DLC1: variants seen among roughly 807,000 people sequenced by gnomAD.
DLC1 encodes the protein rho GTPase-activating protein 7.
In DLC1, 54 loss-of-function variants were observed where a neutral mutation model predicts 140.3. The ratio of observed to expected loss-of-function variants is 0.38; its 90% CI spans 0.31 to 0.48. The LOEUF (loss-of-function observed/expected upper bound fraction) is 0.48, where lower values mean the gene tolerates loss of function less well. DLC1 is among the 20% of genes least tolerant of loss of function. DLC1 has a pLI of 0.96. For synonymous variants in DLC1, 986 were observed against 728.1 expected (o/e 1.35, Z -5.70); for missense variants, 2,536 against 1,907.0 (o/e 1.33, Z -6.14).
At chr8:13,446,265 C>T (rs995222068) in intron 2 of DLC1, among the ~76,000 whole-genome samples, 1 of 152,168 alleles carries the variant, frequency 6.6e-6, no homozygotes, top group Non-Finnish European at 1.5e-5. Context: ...GATATAATGT[C>T]TTTTAGCAAA....
intron 7 of DLC1, among the ~76,000 whole-genome samples, chr8:13,106,499 C>T (rs551251000): frequency 2.0e-5 from 3 of 152,172 alleles, no homozygotes; most frequent in Non-Finnish European, 4.4e-5. Context: ...AGGTATGCAC[C>T]ATCATGCCTG....
intron 2 of DLC1, among the ~76,000 whole-genome samples, chr8:13,465,623 T>C (rs1022694108): frequency 6.6e-6 from 1 of 152,204 alleles, no homozygotes; most frequent in Admixed American, 6.5e-5. Flanking sequence ...TTCTCATTAG[T>C]ATTTGAATAC....
intron 5 of DLC1, among the ~76,000 whole-genome samples, chr8:13,255,114 T>C (rs1211990069): frequency 6.6e-6 from 1 of 152,044 alleles, no homozygotes; most frequent in Non-Finnish European, 1.5e-5. Context: ...GTAGCTGGGA[T>C]TACAGGTGCG....
In DLC1 at chr8:13,365,172, T is replaced by A. The variant is rs1156849198; in HGVS notation, c.1314+28381A>T. On this transcript the variant is annotated intron_variant, in intron 4 of 17. Coordinates refer to ENST00000276297, the MANE Select transcript of DLC1 (RefSeq NM_182643.3). Reference sequence around the variant, plus strand: ...ATCCTGTTACTGGACTTTGCACAGGTCGAGAGAATACCCTGTAGGGATTCC... The same window carrying A: ...ATCCTGTTACTGGACTTTGCACAGGACGAGAGAATACCCTGTAGGGATTCC... 8.5e-5 allele frequency among the ~76,000 whole-genome samples: 13 copies of A among 152,298 alleles called. No homozygotes were observed. The East Asian group carries it at 2.5e-3, about 29-fold the overall frequency.
chr8:13,579,870 G>C lies in DLC1; in HGVS notation c.-126+24667C>G, dbSNP rs190565347. 7.2e-4 allele frequency among the ~76,000 whole-genome samples: 110 copies of C among 151,814 alleles called. 1 individual carries two copies. The highest frequency in any genetic ancestry group is 2.4e-3 in the African/African-American group (100 of 41,396). On this transcript the variant is annotated intron_variant, in intron 1 of 1. Coordinates refer to the DLC1 transcript ENST00000631382. Reference sequence around the variant, plus strand: ...CCAGTGTGCCCATATATTACATGTTGTATCAGTGATTTCCTAAGCACTCTC... The same window carrying C: ...CCAGTGTGCCCATATATTACATGTTCTATCAGTGATTTCCTAAGCACTCTC...
intron 2 of DLC1, among the ~76,000 whole-genome samples, chr8:13,498,084 C>A (rs959661887): frequency 4.6e-5 from 7 of 152,080 alleles, no homozygotes; most frequent in Admixed American, 4.6e-4. Context: ...AGGAGAATTG[C>A]AGTTATGGAT....
At chr8:13,408,065 C>T (rs971107361) in intron 2 of DLC1, among the ~76,000 whole-genome samples, 1 of 152,090 alleles carries the variant, frequency 6.6e-6, no homozygotes, top group African/African-American at 2.4e-5. Context: ...TATCCTAAGT[C>T]AGAATTTCTA....
At chr8:13,221,726 G>GTGTATATATATATATATATA (rs952162614) in intron 5 of DLC1, among the ~76,000 whole-genome samples, 1 of 132,448 alleles carries the variant, frequency 7.6e-6, no homozygotes, top group African/African-American at 2.9e-5. Flanking sequence ...GTGTGTGTGT[G>GTGTATATATATATATATATA]TATATATATA....
chr8:13,307,259 T>C (rs1832483116), intron 4 of DLC1, among the ~76,000 whole-genome samples: 1 of 152,126 alleles, frequency 6.6e-6, no homozygotes, highest in South Asian at 2.1e-4. Context: ...ATAGATTAAA[T>C]GGCAGCTTGG....
At chr8:13,413,702 G>A (rs1250956351) in intron 2 of DLC1, among the ~76,000 whole-genome samples, 2 of 152,122 alleles carry the variant, frequency 1.3e-5, no homozygotes, top group East Asian at 1.9e-4. Context: ...GGTTTTAAAC[G>A]TGGTGTTTTC....
chr8:13,426,857 C>A (rs564190597), intron 2 of DLC1, among the ~76,000 whole-genome samples: 26 of 152,126 alleles, frequency 1.7e-4, no homozygotes, highest in Non-Finnish European at 3.7e-4. Context: ...GTTTTTGCTG[C>A]AATCATTAGA....
chr8:13,468,925 ATT>A (rs1800078296), intron 2 of DLC1, among the ~76,000 whole-genome samples: 2 of 141,118 alleles, frequency 1.4e-5, no homozygotes, highest in South Asian at 4.5e-4. Flanking sequence ...GGTTCAAGTG[ATT>A]CTCCTGCCTC....
chr8:13,426,043 G>C (rs1337619734), intron 2 of DLC1, among the ~76,000 whole-genome samples: 2 of 152,110 alleles, frequency 1.3e-5, no homozygotes, highest in Non-Finnish European at 2.9e-5. Flanking sequence ...GAACTCCTAG[G>C]TTCAGGCAAT....
chr8:13,587,429 G>A (rs1174656680), intron 1 of DLC1, among the ~76,000 whole-genome samples: 1 of 151,590 alleles, frequency 6.6e-6, no homozygotes, highest in Non-Finnish European at 1.5e-5. Context: ...AAATATAGAG[G>A]AGACATGCAT....
At chr8:13,098,612 C>A (rs1031806357) in intron 9 of DLC1, 37 bp from the exon 10 acceptor site, 1 of 1,577,252 alleles carries the variant, frequency 6.3e-7, no homozygotes, top group Non-Finnish European at 8.6e-7. Context: ...AGTGTGAAGC[C>A]TTTTTATTTG....
chr8:13,541,737 G>C (rs1466523101), intron 1 of DLC1, among the ~76,000 whole-genome samples: 1 of 152,146 alleles, frequency 6.6e-6, no homozygotes, highest in Non-Finnish European at 1.5e-5. Flanking sequence ...TTTTAGTAGA[G>C]ATGGGGTTTC....
intron 1 of DLC1, among the ~76,000 whole-genome samples, chr8:13,571,745 C>G (rs747197156): frequency 7.9e-5 from 12 of 152,284 alleles, no homozygotes; most frequent in Admixed American, 3.9e-4. Flanking sequence ...TGCTGGATCA[C>G]GTGGTAATTC....
chr8:13,575,146 T>C (rs188738957), intron 1 of DLC1, among the ~76,000 whole-genome samples: 13 of 152,274 alleles, frequency 8.5e-5, no homozygotes, highest in Admixed American at 7.8e-4. Context: ...CAGCGAAAAT[T>C]GCAAACTTAC....
chr8:13,502,519 T>C (rs766260250), intron 1 of DLC1, among the ~76,000 whole-genome samples: 4 of 152,220 alleles, frequency 2.6e-5, no homozygotes, highest in Non-Finnish European at 5.9e-5. Flanking sequence ...GTAAGATTTA[T>C]AGTTAAATCT....
Sources: allele counts gnomAD v4.1 joint callset (sites outside exome capture counted in the v4.1 genomes callset), GRCh38; gene constraint gnomAD v4.1.1; transcripts MANE v1.5; gene names NCBI Gene and HGNC (gene_info 2026-07-23, HGNC 2026-07-21).